Variants in GSE1 observed in about 807,000 individuals in gnomAD.
GSE1 encodes the protein Gse1 coiled-coil protein.
A neutral mutation model predicts 112.6 loss-of-function variants in GSE1; 32 were observed. The ratio of observed to expected loss-of-function variants is 0.28; its 90% confidence interval spans 0.21 to 0.38. The LOEUF (loss-of-function observed/expected upper bound fraction) is 0.38, where lower values mean the gene tolerates loss of function less well. GSE1 is among the 10% of genes least tolerant of loss of function. The pLI, the probability that GSE1 is intolerant of heterozygous loss-of-function variation, is 1.00. For synonymous variants in GSE1, 1,115 were observed against 735.6 expected, an observed-to-expected ratio of 1.52 and a Z score of -8.35; for missense variants, 2,348 against 1,699.2, an observed-to-expected ratio of 1.38 and a Z score of -6.71.
chr16:85,325,062 G>T (rs577777759), intron 1 of GSE1, among the ~76,000 whole-genome samples: 3 of 152,032 alleles, frequency 2.0e-5, no homozygotes, highest in Non-Finnish European at 4.4e-5. Context: ...CGACCTCCTG[G>T]ACTCACTTGA....
At chr16:85,222,777 T>C (rs1298473302) in intron 1 of GSE1, among the ~76,000 whole-genome samples, 3 of 152,142 alleles carry the variant, frequency 2.0e-5, no homozygotes, top group African/African-American at 7.2e-5. Flanking sequence ...GGGGAGCTTT[T>C]GTTTATTGAT....
At chr16:85,197,153 C>T (rs968640144) in intron 1 of GSE1, among the ~76,000 whole-genome samples, 2 of 152,114 alleles carry the variant, frequency 1.3e-5, no homozygotes, top group African/African-American at 2.4e-5. Flanking sequence ...CCTCGGAGCT[C>T]GGAGCCTGGC....
intron 1 of GSE1, chr16:85,593,267 G>T (rs374779766): frequency 6.6e-6 from 1 of 152,258 alleles, no homozygotes; most frequent in Non-Finnish European, 1.5e-5. Flanking sequence ...CTGGAGGGAC[G>T]GGGCCAGCTT....
chr16:85,284,002 A>C (rs2044936582), intron 1 of GSE1, among the ~76,000 whole-genome samples: 1 of 152,166 alleles, frequency 6.6e-6, no homozygotes, highest in Non-Finnish European at 1.5e-5. Context: ...CTTGTGAGTA[A>C]GATGGGGGCG....
intron 1 of GSE1, among the ~76,000 whole-genome samples, chr16:85,350,460 G>A (rs1054409066): frequency 1.3e-5 from 2 of 152,142 alleles, no homozygotes; most frequent in African/African-American, 4.8e-5. Flanking sequence ...CTGTCATGGG[G>A]CTCCAGGCCA....
chr16:85,194,415 C>T (rs1567602698), intron 1 of GSE1, among the ~76,000 whole-genome samples: 2 of 152,158 alleles, frequency 1.3e-5, no homozygotes, highest in South Asian at 2.1e-4. Flanking sequence ...AGGCAGTAAC[C>T]ACAATGAGCT....
At chr16:85,491,145 T>G (rs1273216771) in intron 2 of GSE1, among the ~76,000 whole-genome samples, 2 of 152,134 alleles carry the variant, frequency 1.3e-5, no homozygotes, top group Non-Finnish European at 2.9e-5. Context: ...TGGAAAGAGC[T>G]TTTGAGCCTT....
intron 1 of GSE1, among the ~76,000 whole-genome samples, chr16:85,267,916 C>T (rs765853264): frequency 3.3e-5 from 5 of 152,214 alleles, no homozygotes; most frequent in Non-Finnish European, 7.3e-5. Flanking sequence ...TAAGTGGCCT[C>T]TCTGAACCTC....
intron 2 of GSE1, among the ~76,000 whole-genome samples, chr16:85,473,220 G>A (rs1398764977): frequency 1.3e-5 from 2 of 152,236 alleles, no homozygotes; most frequent in Non-Finnish European, 2.9e-5. Flanking sequence ...TTGAGTAAAA[G>A]GTACAGGTCC....
At chr16:85,540,054 C>G (rs1257311536) in intron 2 of GSE1, among the ~76,000 whole-genome samples, 5 of 152,192 alleles carry the variant, frequency 3.3e-5, no homozygotes, top group Non-Finnish European at 5.9e-5. Context: ...ATTCCAGCTT[C>G]CAAAGTCACT....
intron 2 of GSE1, among the ~76,000 whole-genome samples, chr16:85,387,932 A>ATGG (rs1274780967): frequency 6.7e-6 from 1 of 149,198 alleles, no homozygotes; most frequent in Non-Finnish European, 1.5e-5. Flanking sequence ...GGATGGATGG[A>ATGG]TGGATGGATG....
At chr16:85,624,789 C>T (rs1039299471) in intron 1 of GSE1, among the ~76,000 whole-genome samples, 2 of 152,184 alleles carry the variant, frequency 1.3e-5, no homozygotes, top group African/African-American at 2.4e-5. Flanking sequence ...CGGGAAGCAG[C>T]CCATGGGGAG....
chr16:85,485,573 G>T (rs557526183), intron 2 of GSE1, among the ~76,000 whole-genome samples: 5 of 152,240 alleles, frequency 3.3e-5, no homozygotes, highest in African/African-American at 1.2e-4. Flanking sequence ...CCGCCGCCGC[G>T]TTAAGGACAG....
intron 1 of GSE1, among the ~76,000 whole-genome samples, chr16:85,633,651 A>G (rs899864627): frequency 1.3e-5 from 2 of 152,182 alleles, no homozygotes; most frequent in Non-Finnish European, 1.5e-5. Flanking sequence ...GGAGAGGTAG[A>G]GGGACAGTGC....
chr16:85,557,734 A>G (rs563571491), intron 1 of GSE1, among the ~76,000 whole-genome samples: 1 of 150,294 alleles, frequency 6.7e-6, no homozygotes, highest in South Asian at 2.1e-4. Flanking sequence ...GTTTTCACTG[A>G]GTTAACAGAG....
intron 1 of GSE1, chr16:85,595,493 T>A (rs1257927421): frequency 6.6e-6 from 1 of 152,210 alleles, no homozygotes; most frequent in African/African-American, 2.4e-5. Flanking sequence ...AGAGTCCTCA[T>A]GGTCTTGTTG....
Position 85,616,951 on chromosome 16 carries a change from C to T in GSE1, c.7+3553C>T, listed in dbSNP as rs1028641711. ...AGCAGCCCTTTGCATGCCTGCCAAA[C>T]GCACACTCGGGGGCCTTTTAATCTT... On this transcript the variant is annotated intron_variant, in intron 1 of 15. Transcript: ENST00000253458. Among the ~76,000 whole-genome samples, 7 of 152,324 alleles carry T rather than the reference C, an allele frequency of 4.6e-5. No homozygotes were observed. In the South Asian group the frequency reaches 6.2e-4, roughly 14 times the overall value.
At chr16:85,478,859 CTTTCTTTCTT>C (rs1567520286) in intron 2 of GSE1, among the ~76,000 whole-genome samples, 3 of 22,236 alleles carry the variant, frequency 1.3e-4, no homozygotes, top group South Asian at 1.5e-3. Context: ...TTCTTTCTTT[CTTTCTTTCTT>C]TCTTTCTTTC....
chr16:85,229,381 A>G (rs905361141), intron 1 of GSE1, among the ~76,000 whole-genome samples: 1 of 152,132 alleles, frequency 6.6e-6, no homozygotes, highest in South Asian at 2.1e-4. Flanking sequence ...CGTTCAGCTC[A>G]CTGGGGCCTT....
Sources: gnomAD v4.1 joint callset for allele counts (sites outside exome capture counted in the v4.1 genomes callset) on GRCh38, gnomAD v4.1.1 for gene constraint, MANE v1.5 for transcripts, NCBI Gene and HGNC (gene_info 2026-07-23, HGNC 2026-07-21) for gene names.